DCDC2C: variants seen among roughly 807,000 people sequenced by gnomAD.
DCDC2C encodes doublecortin domain containing 2C, also known as doublecortin domain-containing protein 2C.
Under a neutral mutation model 45.0 loss-of-function variants are expected in DCDC2C, and 44 were observed. That is an observed-to-expected ratio of 0.98 (90% confidence interval 0.77 to 1.26). The LOEUF (loss-of-function observed/expected upper bound fraction) is 1.26. DCDC2C is among the 50% of genes most tolerant of loss of function. The pLI, the probability that DCDC2C is intolerant of heterozygous loss-of-function variation, is 0.00. For synonymous variants in DCDC2C, 187 were observed against 178.8 expected, an observed-to-expected ratio of 1.05 and a Z score of -0.37; for missense variants, 447 against 468.9, an observed-to-expected ratio of 0.95 and a Z score of 0.43.
At chr2:3,841,100 C>A (rs756589072) in intron 10 of DCDC2C, among the ~76,000 whole-genome samples, 5 of 152,218 alleles carry the variant, frequency 3.3e-5, no homozygotes, top group African/African-American at 4.8e-5. Flanking sequence ...TTATTTTAAT[C>A]TTTCACTGCA....
intron 10 of DCDC2C, among the ~76,000 whole-genome samples, chr2:3,846,417 G>T (rs1672331011): frequency 6.6e-6 from 1 of 152,092 alleles, no homozygotes; most frequent in Non-Finnish European, 1.5e-5. Flanking sequence ...ACCACGTCTG[G>T]CTACTTTTCT....
intron 10 of DCDC2C, among the ~76,000 whole-genome samples, chr2:3,815,539 A>G (rs1467096747): frequency 6.6e-6 from 1 of 152,102 alleles, no homozygotes; most frequent in Non-Finnish European, 1.5e-5. Context: ...TACTTAGACA[A>G]CTGTGTTGTT....
intron 6 of DCDC2C, among the ~76,000 whole-genome samples, chr2:3,766,714 C>G (rs763365454): frequency 6.6e-6 from 1 of 151,922 alleles, no homozygotes; most frequent in African/African-American, 2.4e-5. Context: ...ATAGAGAGCT[C>G]GAGAGAAATA....
chr2:3,779,311 G>A lies in DCDC2C; in HGVS notation c.1023+427G>A, dbSNP rs540976560. Among the ~76,000 whole-genome samples, 20 of 152,340 alleles carry A rather than the reference G, an allele frequency of 1.3e-4. No homozygotes were observed. The East Asian group carries it at 2.7e-3, about 21-fold the overall frequency. ...AGTGGCTGGTCCCGCCGGGGAGCAC[G>A]AGGGTGAGGGCGTGCGGTGCCTGTG... On this transcript the variant is annotated intron_variant, in intron 9 of 10. Coordinates refer to ENST00000399143, the MANE Select transcript of DCDC2C (RefSeq NM_001287444.2).
chr2:3,816,133 T>C (rs369191646), intron 10 of DCDC2C, among the ~76,000 whole-genome samples: 12 of 152,178 alleles, frequency 7.9e-5, no homozygotes, highest in African/African-American at 2.9e-4. Flanking sequence ...GGCGATATTG[T>C]GGGGTTGTTA....
chr2:3,801,544 C>A (rs1671114044), intron 10 of DCDC2C, among the ~76,000 whole-genome samples: 1 of 152,240 alleles, frequency 6.6e-6, no homozygotes, highest in Admixed American at 6.5e-5. Flanking sequence ...AAAACTGTAA[C>A]ACATCAGTAG....
chr2:3,817,177 C>T (rs891828044), intron 10 of DCDC2C, among the ~76,000 whole-genome samples: 14 of 152,208 alleles, frequency 9.2e-5, no homozygotes, highest in African/African-American at 3.4e-4. Flanking sequence ...ACCTTATCAG[C>T]ATTAGCACTG....
At chr2:3,733,225 TCTC>T (rs1346722702) in intron 3 of DCDC2C, among the ~76,000 whole-genome samples, 1 of 152,226 alleles carries the variant, frequency 6.6e-6, no homozygotes, top group Non-Finnish European at 1.5e-5. Context: ...TGTAAGCTGT[TCTC>T]CTTCCTCAGT....
intron 8 of DCDC2C, among the ~76,000 whole-genome samples, chr2:3,770,135 C>CTTTGTTTT (rs2148156065): frequency 6.6e-6 from 1 of 152,346 alleles, no homozygotes; most frequent in East Asian, 1.9e-4. Context: ...CTTCACTACC[C>CTTTGTTTT]ACCTGAAGGC....
At chr2:3,719,169 T>C (rs1174472382) in intron 2 of DCDC2C, among the ~76,000 whole-genome samples, 8 of 152,138 alleles carry the variant, frequency 5.3e-5, no homozygotes, top group Admixed American at 2.0e-4. Context: ...CACTGCAAGC[T>C]CTGGCTCCCG....
intron 10 of DCDC2C, among the ~76,000 whole-genome samples, chr2:3,802,246 T>C (rs1671132386): frequency 6.6e-6 from 1 of 152,234 alleles, no homozygotes; most frequent in African/African-American, 2.4e-5. Flanking sequence ...ATAAAAGCTG[T>C]CCTTCAACGC....
At chr2:3,813,069 T>TATATATATA (rs1558238816) in intron 10 of DCDC2C, among the ~76,000 whole-genome samples, 1 of 54,940 alleles carries the variant, frequency 1.8e-5, no homozygotes, top group Non-Finnish European at 3.6e-5. Flanking sequence ...ATATATATAT[T>TATATATATA]TTTTTTTTTT....
At chr2:3,738,723 G>C (rs1317076316) in intron 3 of DCDC2C, among the ~76,000 whole-genome samples, 1 of 152,004 alleles carries the variant, frequency 6.6e-6, no homozygotes, top group Non-Finnish European at 1.5e-5. Flanking sequence ...CATTTTTCTT[G>C]TAACCACCCA....
chr2:3,718,609 G>A (rs1477880461), intron 2 of DCDC2C, among the ~76,000 whole-genome samples: 1 of 152,156 alleles, frequency 6.6e-6, no homozygotes, highest in Non-Finnish European at 1.5e-5. Flanking sequence ...GGACTAGGGG[G>A]CAGCATACAA....
chr2:3,727,593 C>T (rs771870865), intron 3 of DCDC2C, among the ~76,000 whole-genome samples: 8 of 152,240 alleles, frequency 5.3e-5, no homozygotes, highest in Non-Finnish European at 1.0e-4. Flanking sequence ...CCTCACTGGC[C>T]GCTGCCCTGG....
intron 10 of DCDC2C, among the ~76,000 whole-genome samples, chr2:3,790,267 T>A (rs1670769244): frequency 6.6e-6 from 1 of 152,230 alleles, no homozygotes; most frequent in South Asian, 2.1e-4. Flanking sequence ...GATAAAACAG[T>A]GCAGCCTCTT....
intron 9 of DCDC2C, among the ~76,000 whole-genome samples, chr2:3,783,964 A>G (rs973292806): frequency 6.6e-6 from 1 of 152,268 alleles, no homozygotes; most frequent in African/African-American, 2.4e-5. Context: ...TTCTTGATTT[A>G]CACAAGTCTC....
chr2:3,723,128 C>T (rs1171883111), intron 2 of DCDC2C, among the ~76,000 whole-genome samples: 1 of 152,206 alleles, frequency 6.6e-6, no homozygotes, highest in African/African-American at 2.4e-5. Context: ...GTAGCATTCA[C>T]TCATCCATTA....
intron 9 of DCDC2C, among the ~76,000 whole-genome samples, chr2:3,784,762 A>G (rs569554311): frequency 3.3e-5 from 5 of 152,328 alleles, no homozygotes; most frequent in African/African-American, 1.2e-4. Flanking sequence ...AAAAAAAATC[A>G]AAGTGTAACA....
Sources: gnomAD v4.1 joint callset for allele counts (sites outside exome capture counted in the v4.1 genomes callset) on GRCh38, gnomAD v4.1.1 for gene constraint, MANE v1.5 for transcripts, NCBI Gene and HGNC (gene_info 2026-07-23, HGNC 2026-07-21) for gene names.